SMAP1: variants seen among roughly 807,000 people sequenced by gnomAD.
SMAP1 encodes small ArfGAP 1.
In SMAP1, 24 loss-of-function variants were observed where a neutral mutation model predicts 58.5. That is an observed-to-expected ratio of 0.41 (90% CI 0.30 to 0.58). SMAP1 has a LOEUF of 0.58. Ranked by LOEUF, SMAP1 falls within the 20% of genes least tolerant of loss-of-function variation. SMAP1 has a pLI of 0.29. For missense variants in SMAP1, 563 were observed against 566.3 expected (o/e 0.99, Z 0.06); for synonymous variants, 216 against 196.6 (o/e 1.10, Z -0.82).
rs72923709 is a variant in SMAP1, at chr6:70,732,522, C to T, written c.252+11C>T. On this transcript the variant is annotated intron_variant, in intron 2 of 10. Transcript: ENST00000370455. ...GCAGAACAGATACAGGTAAACATGA[C>T]GTTACCAAGAAATTATTTAAAATAT... 2.2e-3 allele frequency: 3,280 copies of T among 1,502,096 alleles called. 5 individuals carry two copies. The highest frequency in any genetic ancestry group is 2.7e-3 in the Non-Finnish European group (3,054 of 1,124,922). 93.0% of individuals were successfully genotyped at this position (1,502,096 alleles called of 1,614,324 possible). A position where few individuals can be genotyped will look rare whatever the true frequency, so the allele number is the denominator to read the frequency against.
At chr6:70,794,219 G>A (rs1160235179) in intron 5 of SMAP1, among the ~76,000 whole-genome samples, 3 of 152,102 alleles carry the variant, frequency 2.0e-5, no homozygotes, top group South Asian at 2.1e-4. Flanking sequence ...ATAAAATACT[G>A]CAGTATTTTG....
intron 1 of SMAP1, among the ~76,000 whole-genome samples, chr6:70,716,837 T>C (rs114554447): frequency 7.9e-5 from 12 of 152,308 alleles, no homozygotes; most frequent in African/African-American, 2.6e-4. Flanking sequence ...GTAAATTGCA[T>C]ATCATCATTT....
chr6:70,680,429 A>G, intron 1 of SMAP1, among the ~76,000 whole-genome samples: 1 of 152,212 alleles, frequency 6.6e-6, no homozygotes, highest in East Asian at 1.9e-4. Flanking sequence ...AAGGACCTTT[A>G]TTCAGAATAT....
chr6:70,795,741 CTTT>C (rs756434039), intron 5 of SMAP1, among the ~76,000 whole-genome samples: 1 of 144,548 alleles, frequency 6.9e-6, no homozygotes. Context: ...TTTTCTTTTT[CTTT>C]TTTTTTTTTT....
intron 1 of SMAP1, among the ~76,000 whole-genome samples, chr6:70,677,187 T>C (rs1766515476): frequency 6.7e-6 from 1 of 148,742 alleles, no homozygotes; most frequent in South Asian, 2.1e-4. Flanking sequence ...ATAATTTTTT[T>C]TTTTTTTTTT....
At chr6:70,681,461 T>G (rs1766707387) in intron 1 of SMAP1, among the ~76,000 whole-genome samples, 1 of 152,170 alleles carries the variant, frequency 6.6e-6, no homozygotes, top group Non-Finnish European at 1.5e-5. Context: ...AATATGTTGT[T>G]TACTTCTTTC....
intron 1 of SMAP1, among the ~76,000 whole-genome samples, chr6:70,719,168 T>C (rs1326932355): frequency 6.6e-6 from 1 of 152,156 alleles, no homozygotes; most frequent in Non-Finnish European, 1.5e-5. Flanking sequence ...AAATGATTTG[T>C]AGTTATAGAG....
intron 1 of SMAP1, among the ~76,000 whole-genome samples, chr6:70,671,586 A>G (rs1214198418): frequency 1.3e-5 from 2 of 152,142 alleles, no homozygotes; most frequent in African/African-American, 4.8e-5. Context: ...TCAGGGAAAA[A>G]CAAAAACAAA....
chr6:70,730,769 A>G (rs1195813821), intron 1 of SMAP1, among the ~76,000 whole-genome samples: 1 of 152,106 alleles, frequency 6.6e-6, no homozygotes, highest in African/African-American at 2.4e-5. Flanking sequence ...TGTACTTAAA[A>G]CAGAAGGCTA....
chr6:70,771,937 G>A (rs1042805841), intron 3 of SMAP1, among the ~76,000 whole-genome samples: 4 of 152,188 alleles, frequency 2.6e-5, no homozygotes, highest in African/African-American at 9.6e-5. Flanking sequence ...CTTACTCCAG[G>A]TTAGGGTTGC....
At chr6:70,735,595 C>T (rs191772377) in intron 2 of SMAP1, among the ~76,000 whole-genome samples, 23 of 152,216 alleles carry the variant, frequency 1.5e-4, no homozygotes, top group African/African-American at 5.3e-4. Context: ...ATTACGAAGC[C>T]CCGTCTCTAC....
At chr6:70,768,687 T>C (rs1345247791) in intron 3 of SMAP1, among the ~76,000 whole-genome samples, 8 of 152,052 alleles carry the variant, frequency 5.3e-5, no homozygotes, top group South Asian at 4.1e-4. Context: ...TTTGTTGATC[T>C]TTTCAAAAAA....
intron 1 of SMAP1, among the ~76,000 whole-genome samples, chr6:70,693,132 A>G (rs1350869711): frequency 2.0e-5 from 3 of 151,836 alleles, no homozygotes; most frequent in Non-Finnish European, 2.9e-5. Context: ...TACTATAGCT[A>G]TGTACTATAA....
intron 3 of SMAP1, among the ~76,000 whole-genome samples, chr6:70,770,874 G>T (rs1054612339): frequency 6.6e-6 from 1 of 152,086 alleles, no homozygotes; most frequent in African/African-American, 2.4e-5. Context: ...CCCCATCTTT[G>T]TGGTTTTATC....
chr6:70,676,337 C>T (rs963202337), intron 1 of SMAP1, among the ~76,000 whole-genome samples: 6 of 152,088 alleles, frequency 3.9e-5, no homozygotes, highest in Non-Finnish European at 7.3e-5. Flanking sequence ...CATGTTGGAG[C>T]CTCAGTATAT....
intron 3 of SMAP1, among the ~76,000 whole-genome samples, chr6:70,764,739 C>G (rs1180191495): frequency 2.0e-5 from 3 of 152,328 alleles, no homozygotes; most frequent in Non-Finnish European, 4.4e-5. Context: ...CATGTTGTTT[C>G]ATGCCTGTCA....
chr6:70,709,086 TG>T (rs1417467138), intron 1 of SMAP1, among the ~76,000 whole-genome samples: 7 of 36,730 alleles, frequency 1.9e-4, no homozygotes, highest in Non-Finnish European at 3.9e-4. Flanking sequence ...AGGAGGTTTT[TG>T]TGTGTGTGTG....
intron 4 of SMAP1, among the ~76,000 whole-genome samples, chr6:70,777,561 C>G (rs1767597775): frequency 6.6e-6 from 1 of 151,944 alleles, no homozygotes; most frequent in South Asian, 2.1e-4. Context: ...TACAGATTGT[C>G]TCTTCACTCT....
intron 3 of SMAP1, among the ~76,000 whole-genome samples, chr6:70,766,622 G>C (rs1313743709): frequency 6.6e-6 from 1 of 152,086 alleles, no homozygotes; most frequent in African/African-American, 2.4e-5. Context: ...ATTTGTTTGA[G>C]TTCATTGTAG....
Sources: gnomAD v4.1 joint callset for allele counts (sites outside exome capture counted in the v4.1 genomes callset) on GRCh38, gnomAD v4.1.1 for gene constraint, MANE v1.5 for transcripts, NCBI Gene and HGNC (gene_info 2026-07-23, HGNC 2026-07-21) for gene names.